The following KALRN variants were observed in gnomAD, a reference collection of about 807,000 sequenced individuals.
KALRN encodes kalirin RhoGEF kinase.
A neutral mutation model predicts 353.7 loss-of-function variants in KALRN; 70 were observed. The ratio of observed to expected loss-of-function variants is 0.20; its 90% confidence interval spans 0.16 to 0.24. The LOEUF (loss-of-function observed/expected upper bound fraction) is 0.24. Among genes scored for constraint, KALRN ranks in the 10% least tolerant of loss-of-function variants. KALRN has a pLI of 1.00. For missense variants in KALRN, 2,791 were observed against 3,756.7 expected, an observed-to-expected ratio of 0.74 and a Z score of 6.72; for synonymous variants, 1,391 against 1,434.8, an observed-to-expected ratio of 0.97 and a Z score of 0.69.
intron 10 of KALRN, among the ~76,000 whole-genome samples, chr3:124,377,258 A>G (rs1019095448): frequency 6.6e-6 from 1 of 152,202 alleles, no homozygotes; most frequent in African/African-American, 2.4e-5. Flanking sequence ...AACACAATGC[A>G]TAGCATACTA....
At chr3:124,546,770 G>C (rs143319578) in intron 33 of KALRN, among the ~76,000 whole-genome samples, 82 of 152,318 alleles carry the variant, frequency 5.4e-4, no homozygotes, top group African/African-American at 1.9e-3. Flanking sequence ...TTTTCAGGGA[G>C]ATGAGAAGCA....
chr3:124,662,776 TTG>T (rs2085061072), intron 45 of KALRN, among the ~76,000 whole-genome samples: 1 of 152,218 alleles, frequency 6.6e-6, no homozygotes, highest in East Asian at 1.9e-4. Flanking sequence ...CAGAGATTTA[TTG>T]TCTCACATTT....
intron 14 of KALRN, among the ~76,000 whole-genome samples, chr3:124,414,567 T>C (rs2092390847): frequency 6.6e-6 from 1 of 152,204 alleles, no homozygotes; most frequent in Admixed American, 6.5e-5. Flanking sequence ...CAAGATTTAT[T>C]CAAAATTTAT....
intron 1 of KALRN, among the ~76,000 whole-genome samples, chr3:124,050,729 T>C (rs2040950279): frequency 6.6e-6 from 1 of 152,170 alleles, no homozygotes; most frequent in Non-Finnish European, 1.5e-5. Context: ...TGTCATATCC[T>C]TAGTACTGTC....
At chr3:124,649,717 G>A (rs958675497) in intron 37 of KALRN, among the ~76,000 whole-genome samples, 3 of 152,104 alleles carry the variant, frequency 2.0e-5, no homozygotes, top group East Asian at 1.9e-4. Flanking sequence ...GAGCCTAGGA[G>A]GTCAAGGCTG....
At chr3:124,552,224 G>T (rs576563646) in intron 33 of KALRN, among the ~76,000 whole-genome samples, 2 of 152,308 alleles carry the variant, frequency 1.3e-5, no homozygotes, top group African/African-American at 4.8e-5. Context: ...AGAATGCGCT[G>T]TTTCTTCTGA....
chr3:124,697,502 GT>G, intron 54 of KALRN, 90 bp from the exon 55 acceptor site: 1 of 1,306,890 alleles, frequency 7.7e-7, no homozygotes, highest in Non-Finnish European at 1.0e-6. Flanking sequence ...TGTGACATCG[GT>G]TAGGTAATGT....
chr3:124,718,871 A>C (rs1189157641), intron 59 of KALRN, 54 bp from the exon 60 acceptor site: 1 of 1,532,730 alleles, frequency 6.5e-7, no homozygotes, highest in African/African-American at 1.4e-5. Flanking sequence ...TGAGTAGTCA[A>C]AATAGAGGCC....
Position 124,269,251 on chromosome 3 carries a change from A to T in KALRN, c.965A>T (p.Glu322Val), listed in dbSNP as rs1339336597. The T allele has an allele frequency of 6.3e-7, 1 of 1,594,292 alleles. No homozygotes were observed. Among genetic ancestry groups the T allele is most frequent in the Admixed American group, 1.7e-5 (1 of 59,516 alleles). The change falls in exon 5 of 60, where the codon GAG becomes GTG. Residue 322 changes from glutamate to valine, a missense_variant. By Grantham distance (121) the Glu-to-Val change is moderately radical. Around this residue, in one of 11 missense-constraint regions of KALRN, gnomAD observed 366 missense variants for 489.2 expected, o/e 0.75. Transcript: ENST00000682506. ...CTGCGGCTCTTCGAGCAGGATGCTGAGAAGGTAGGAAGGGAACAGGCCAAA... is the reference window on the plus strand; with the variant it reads ...CTGCGGCTCTTCGAGCAGGATGCTGTGAAGGTAGGAAGGGAACAGGCCAAA... ...FQLRLFEQDA[E>V]KMFDWISHNK...
intron 34 of KALRN, among the ~76,000 whole-genome samples, chr3:124,603,690 T>G (rs914812261): frequency 1.3e-5 from 2 of 152,126 alleles, no homozygotes; most frequent in Admixed American, 1.3e-4. Context: ...ATATTAAAAA[T>G]GTGTGTCCTT....
At chr3:124,185,998 A>C (rs952327538) in intron 1 of KALRN, among the ~76,000 whole-genome samples, 4 of 152,204 alleles carry the variant, frequency 2.6e-5, no homozygotes, top group African/African-American at 7.2e-5. Context: ...GAATCAGGTT[A>C]GGAGTGGCAG....
intron 1 of KALRN, among the ~76,000 whole-genome samples, chr3:124,204,401 A>G (rs570429300): frequency 2.0e-4 from 30 of 152,280 alleles, no homozygotes; most frequent in African/African-American, 7.0e-4. Flanking sequence ...TTAAAACACT[A>G]ATTTCTTTAT....
intron 15 of KALRN, among the ~76,000 whole-genome samples, chr3:124,428,609 A>G (rs1463905163): frequency 6.6e-6 from 1 of 152,250 alleles, no homozygotes; most frequent in Non-Finnish European, 1.5e-5. Context: ...GAGCTAAGCC[A>G]TAGATATAAA....
chr3:124,586,044 C>T (rs1269895200), intron 34 of KALRN, among the ~76,000 whole-genome samples: 2 of 152,142 alleles, frequency 1.3e-5, no homozygotes, highest in Admixed American at 6.5e-5. Context: ...TTTTCCTGCG[C>T]GTCATTAAGG....
intron 3 of KALRN, among the ~76,000 whole-genome samples, chr3:124,246,777 A>T (rs2070341345): frequency 6.6e-6 from 1 of 152,206 alleles, no homozygotes; most frequent in African/African-American, 2.4e-5. Flanking sequence ...GTCAGGTGAA[A>T]TAAGATCCAA....
intron 1 of KALRN, among the ~76,000 whole-genome samples, chr3:124,046,008 A>G (rs749193514): frequency 8.5e-5 from 13 of 152,304 alleles, no homozygotes; most frequent in Non-Finnish European, 1.6e-4. Flanking sequence ...TCAAAAGGAC[A>G]TTTTGGGGGT....
intron 14 of KALRN, among the ~76,000 whole-genome samples, chr3:124,422,126 A>G (rs2092809955): frequency 1.3e-5 from 2 of 152,128 alleles, no homozygotes; most frequent in African/African-American, 4.8e-5. Context: ...ATGGATAAGC[A>G]CTCATTATCC....
chr3:124,268,313 T>G (rs975496599), intron 4 of KALRN, among the ~76,000 whole-genome samples: 1 of 152,194 alleles, frequency 6.6e-6, no homozygotes, highest in African/African-American at 2.4e-5. Flanking sequence ...TGGCCCATGT[T>G]GCTTAATCCA....
intron 1 of KALRN, among the ~76,000 whole-genome samples, chr3:124,155,975 G>A (rs1462469265): frequency 6.6e-6 from 1 of 152,188 alleles, no homozygotes; most frequent in African/African-American, 2.4e-5. Flanking sequence ...ATCTGGGTCT[G>A]GGATGCTGAT....
Sources: allele counts gnomAD v4.1 joint callset (sites outside exome capture counted in the v4.1 genomes callset), GRCh38; gene constraint gnomAD v4.1.1; regional missense constraint gnomAD v4.1.1; transcripts MANE v1.5; gene names NCBI Gene and HGNC (gene_info 2026-07-23, HGNC 2026-07-21).